Variants in MCM3AP observed in about 807,000 individuals in gnomAD.
The protein encoded by MCM3AP is germinal-center associated nuclear protein.
MCM3AP carries 126 observed loss-of-function variants against 184.1 expected under a neutral mutation model. The ratio of observed to expected loss-of-function variants is 0.68; its 90% confidence interval spans 0.59 to 0.79. The LOEUF (loss-of-function observed/expected upper bound fraction) is 0.79. MCM3AP is among the 30% of genes least tolerant of loss of function. The probability of loss-of-function intolerance (pLI) is 0.00; values close to 1 mark genes in which losing one functional copy is unlikely to be tolerated. For missense variants in MCM3AP, 2,496 were observed against 2,479.2 expected (o/e 1.01, Z -0.14); for synonymous variants, 1,002 against 979.3 (o/e 1.02, Z -0.43).
intron 22 of MCM3AP, 147 bp from the exon 23 acceptor site, chr21:46,245,344 G>T: frequency 2.8e-6 from 2 of 710,894 alleles, no homozygotes; most frequent in Non-Finnish European, 4.6e-6. Flanking sequence ...GAACAGAAGT[G>T]TCCTATGCAG....
At chr21:46,242,956 TAA>T (rs759775460) in intron 24 of MCM3AP, 25 bp from the exon 25 acceptor site, 1 of 1,451,984 alleles carries the variant, frequency 6.9e-7, no homozygotes, top group East Asian at 2.5e-5. Context: ...CAAAAACAGA[TAA>T]AGAGGCCAGC....
chr21:46,266,097 A>G lies in MCM3AP; in HGVS notation c.2859T>C (p.Phe953=). The G allele has an allele frequency of 6.2e-7, 1 of 1,612,352 alleles. No homozygotes were observed. The highest frequency in any genetic ancestry group is 8.5e-7 in the Non-Finnish European group (1 of 1,179,282). ...EGLSKTRKSV[F]ITRKLTVSVG... is the part of the protein sequence containing the mutation. ...CTGACACCGTCAGCTTCCTAGTAATAAACACCGACTTCCTGGTCTTGGATA... is the reference window on the plus strand; with the variant it reads ...CTGACACCGTCAGCTTCCTAGTAATGAACACCGACTTCCTGGTCTTGGATA... The change falls in exon 11 of 28, where the codon TTT becomes TTC. Residue 953 remains phenylalanine (F), a synonymous_variant. Coordinates refer to ENST00000291688, the MANE Select transcript of MCM3AP (RefSeq NM_003906.5).
intron 20 of MCM3AP, 49 bp downstream of exon 20, chr21:46,251,480 G>T: frequency 1.3e-6 from 2 of 1,492,240 alleles, no homozygotes; most frequent in Non-Finnish European, 1.9e-6. Context: ...CTGGGAGTAA[G>T]TGAAAGTAAT....
rs778551164 is a variant in MCM3AP, at chr21:46,285,269, AG to A, written c.17del (p.Pro6LeufsTer17). 6.2e-7 allele frequency: 1 copy of A among 1,613,308 alleles called. No individual in the cohort carries two copies. Among genetic ancestry groups the A allele is most frequent in the South Asian group, 1.1e-5 (1 of 91,066 alleles). The part of the protein sequence containing the change: MNPTN[P>X]FSGQQPSAFS... ...AAGCACTAGGCTGCTGCCCACTGAA[AG>A]GATTAGTTGGGTTCATCTTCTGCTC... is the stretch of plus-strand genomic sequence containing the variant. On this transcript the variant is annotated frameshift_variant, in exon 1 of 28. Transcript: ENST00000291688. LOFTEE classifies it high-confidence loss of function.
intron 2 of MCM3AP, among the ~76,000 whole-genome samples, chr21:46,281,200 C>T (rs1230546532): frequency 6.6e-6 from 1 of 152,172 alleles, no homozygotes; most frequent in Admixed American, 6.5e-5. Flanking sequence ...ATCACACATA[C>T]AGAGACAGAA....
At chr21:46,284,029 T>G (rs778715982) in intron 1 of MCM3AP, 39 bp downstream of exon 1, 1 of 1,580,420 alleles carries the variant, frequency 6.3e-7, no homozygotes, top group Non-Finnish European at 8.6e-7. Flanking sequence ...AAAACCTGCC[T>G]GCAGGATTTA....
chr21:46,240,473 C>T (rs964006205), intron 26 of MCM3AP, among the ~76,000 whole-genome samples: 5 of 152,188 alleles, frequency 3.3e-5, no homozygotes, highest in African/African-American at 1.2e-4. Flanking sequence ...GCCTCAGGCT[C>T]CCAAGGGCAG....
chr21:46,248,029 A>C (rs2080804233), intron 20 of MCM3AP, among the ~76,000 whole-genome samples: 1 of 152,196 alleles, frequency 6.6e-6, no homozygotes, highest in Admixed American at 6.5e-5. Flanking sequence ...ACATTTCTAG[A>C]AAGCAGCAAA....
intron 15 of MCM3AP, among the ~76,000 whole-genome samples, chr21:46,260,096 G>A (rs1236161326): frequency 6.6e-6 from 1 of 151,798 alleles, no homozygotes; most frequent in Non-Finnish European, 1.5e-5. Context: ...AAGTGCAAGA[G>A]TCTGCATCCT....
chr21:46,265,785 C>A, intron 11 of MCM3AP, 140 bp downstream of exon 11: 1 of 1,103,750 alleles, frequency 9.1e-7, no homozygotes, highest in Non-Finnish European at 1.3e-6. Context: ...AAGAGCCACA[C>A]CCCTGGGCCC....
At position 46,242,209 on chromosome 21, in the gene MCM3AP, T is replaced by C. The variant is rs151159990; in HGVS notation, c.5426+593A>G. ...GGATTTCCAGGACAATAGTGAATAA[T>C]AGTCGGGACAACAGGCTGGTTCTGA... On this transcript the variant is annotated intron_variant, in intron 25 of 27. Coordinates refer to ENST00000291688, the MANE Select transcript of MCM3AP (RefSeq NM_003906.5). The C allele has an allele frequency of 4.8e-4, 73 of 152,788 alleles. No homozygotes were observed. The East Asian group carries it at 6.2e-3, about 13-fold the overall frequency. The allele number at this position is 152,788 out of a possible 1,614,324, so 9.5% of individuals were successfully genotyped here. A position where few individuals can be genotyped will look rare whatever the true frequency, so the allele number is the denominator to read the frequency against.
At chr21:46,278,268 A>C (rs1403508619) in intron 4 of MCM3AP, among the ~76,000 whole-genome samples, 1 of 152,224 alleles carries the variant, frequency 6.6e-6, no homozygotes, top group Non-Finnish European at 1.5e-5. Flanking sequence ...TAATATCATA[A>C]GGAAATATTA....
chr21:46,285,478 G>C lies in MCM3AP; in HGVS notation c.-192C>G. 2 of 579,092 alleles carry C rather than the reference G, an allele frequency of 3.5e-6. No homozygotes were observed. Among genetic ancestry groups the C allele is most frequent in the Non-Finnish European group, 3.0e-6 (1 of 328,210 alleles). The allele number at this position is 579,092 out of a possible 1,614,324, so 35.9% of individuals were successfully genotyped here. On this transcript the variant is annotated 5_prime_UTR_variant, in exon 1 of 28. Transcript: ENST00000291688. ...ATTTTTGAACACTGTCATACTAAAA[G>C]GATAACTATTTCAAAGGCAGGCAAA...
intron 4 of MCM3AP, among the ~76,000 whole-genome samples, chr21:46,278,707 T>C (rs1463442002): frequency 1.3e-5 from 2 of 151,672 alleles, no homozygotes; most frequent in Non-Finnish European, 2.9e-5. Flanking sequence ...GGGGTCTCGC[T>C]CTGTTGCCCA....
intron 12 of MCM3AP, among the ~76,000 whole-genome samples, chr21:46,264,546 A>G (rs1489816350): frequency 6.6e-6 from 1 of 152,186 alleles, no homozygotes; most frequent in Non-Finnish European, 1.5e-5. Context: ...CCTGCCCCGA[A>G]GCAGCCAGAG....
rs772621440 is a variant in MCM3AP at position 46,256,865 on chromosome 21, G to C, written c.3856C>G (p.Pro1286Ala). The change falls in exon 17 of 28, where the codon CCC becomes GCC. Residue 1286 changes from proline to alanine, a missense_variant. Around this residue, in one of 5 missense-constraint regions of MCM3AP, gnomAD observed 1,323 missense variants for 1,273.4 expected, o/e 1.04. Coordinates refer to ENST00000291688, the MANE Select transcript of MCM3AP (RefSeq NM_003906.5). The stretch of plus-strand genomic sequence containing the variant: ...CTGGCCAGGTTCTCTTCAGCAATGG[G>C]GCACTCTGCGCTGGGCGCCAGCGCC... ...LRALAPSAEC[P>A]IAEENLARGL... The C allele has an allele frequency of 6.3e-7, 1 of 1,585,838 alleles. No homozygotes were observed. Among genetic ancestry groups the C allele is most frequent in the Admixed American group, 1.8e-5 (1 of 55,168 alleles).
chr21:46,242,991 A>G, intron 24 of MCM3AP, 60 bp from the exon 25 acceptor site: 1 of 1,423,892 alleles, frequency 7.0e-7, no homozygotes, highest in Non-Finnish European at 9.4e-7. Flanking sequence ...GTCTCAAAAA[A>G]AAAAAAAACA....
At position 46,236,871 on chromosome 21, in the gene MCM3AP, A is replaced by T. The variant is rs776046249; in HGVS notation, c.5742T>A (p.Thr1914=). ...LPQTLVSLSH[T]IEPVMKTSVT... ...CAGATGTTTTCATCACAGGTTCAAT[A>T]GTGTGAGAAAGAGACACTAGAGTCT... The change falls in exon 27 of 28, where the codon ACT becomes ACA. Residue 1914 remains threonine (T), a synonymous_variant. Coordinates refer to ENST00000291688, the MANE Select transcript of MCM3AP (RefSeq NM_003906.5). 3 of 1,565,518 alleles carry T rather than the reference A, an allele frequency of 1.9e-6. No individual in the cohort carries two copies. The highest frequency in any genetic ancestry group is 4.9e-5 in the East Asian group (2 of 40,840).
At position 46,277,650 on chromosome 21, in the gene MCM3AP, A is replaced by G; in HGVS notation, c.1735T>C (p.Ser579Pro). The G allele has an allele frequency of 6.2e-7, 1 of 1,611,314 alleles. No homozygotes were observed. Among genetic ancestry groups the G allele is most frequent in the Non-Finnish European group, 8.5e-7 (1 of 1,178,668 alleles). ...GGCCCGAGGCCCTCGGAGCCCTCGG[A>G]GGCTGAGTCAAAAGAGTCTCCCTCG... ...QFEGDSFDSA[S>P]EGSEGLGPCV... Residue 579 changes from serine (S) to proline (P), a missense_variant, in exon 5 of 28, where the codon TCC (serine) becomes CCC (proline). Physicochemically the swap from Ser to Pro is moderately conservative, Grantham distance 74 (BLOSUM62 -1). This residue lies in a region of MCM3AP where 800 missense variants were observed against 717.1 expected (regional missense o/e 1.12). Transcript: ENST00000291688.
Sources: gnomAD v4.1 joint callset for allele counts (sites outside exome capture counted in the v4.1 genomes callset) on GRCh38, gnomAD v4.1.1 for gene constraint, gnomAD v4.1.1 regional missense constraint, MANE v1.5 for transcripts, NCBI Gene and HGNC (gene_info 2026-07-23, HGNC 2026-07-21) for gene names.